Variants in ASIC2 observed in about 807,000 individuals in gnomAD.
The protein encoded by ASIC2 is acid sensing ion channel subunit 2.
A neutral mutation model predicts 57.3 loss-of-function variants in ASIC2; 25 were observed. The observed-to-expected ratio is 0.44, with a 90% CI of 0.32 to 0.61. The LOEUF (loss-of-function observed/expected upper bound fraction) is 0.61, where lower values mean the gene tolerates loss of function less well. ASIC2 is among the 20% of genes least tolerant of loss of function. ASIC2 has a pLI of 0.06. For synonymous variants in ASIC2, 319 were observed against 307.5 expected (o/e 1.04, Z -0.39); for missense variants, 641 against 738.1 (o/e 0.87, Z 1.52).
At chr17:34,131,209 A>G (rs1296357079) in intron 1 of ASIC2, among the ~76,000 whole-genome samples, 1 of 152,192 alleles carries the variant, frequency 6.6e-6, no homozygotes, top group Non-Finnish European at 1.5e-5. Flanking sequence ...TTGGCAAGAC[A>G]ATAGAGAGCC....
intron 1 of ASIC2, among the ~76,000 whole-genome samples, chr17:33,283,342 G>A (rs1905032923): frequency 6.6e-6 from 1 of 152,184 alleles, no homozygotes; most frequent in South Asian, 2.1e-4. Flanking sequence ...TTGTGGACCA[G>A]CAGCATCTGT....
chr17:33,021,179 CTATGAGATGTGG>C, intron 7 of ASIC2, 28 bp downstream of exon 7: 3 of 914,032 alleles, frequency 3.3e-6, no homozygotes, highest in Non-Finnish European at 3.5e-6. Context: ...CTCCCACCCT[CTATGAGATGTGG>C]AAATTTGTGC....
At chr17:33,597,950 C>G (rs1219672765) in intron 1 of ASIC2, among the ~76,000 whole-genome samples, 3 of 152,208 alleles carry the variant, frequency 2.0e-5, no homozygotes, top group Non-Finnish European at 4.4e-5. Flanking sequence ...CCAAATACTC[C>G]TTATCCACAA....
intron 1 of ASIC2, among the ~76,000 whole-genome samples, chr17:33,532,245 A>G (rs1915075752): frequency 6.6e-6 from 1 of 152,138 alleles, no homozygotes; most frequent in Admixed American, 6.5e-5. Context: ...CATCAAACCC[A>G]TTTTCCTAAG....
At chr17:33,456,359 C>T (rs1259052750) in intron 1 of ASIC2, among the ~76,000 whole-genome samples, 1 of 152,074 alleles carries the variant, frequency 6.6e-6, no homozygotes, top group Non-Finnish European at 1.5e-5. Flanking sequence ...CTCCCCACTT[C>T]CTCCCAAATA....
At chr17:33,110,231 T>C (rs1474382464) in intron 2 of ASIC2, among the ~76,000 whole-genome samples, 1 of 152,166 alleles carries the variant, frequency 6.6e-6, no homozygotes, top group Non-Finnish European at 1.5e-5. Flanking sequence ...AGATTAATCA[T>C]ATAAGTTCTG....
intron 1 of ASIC2, among the ~76,000 whole-genome samples, chr17:33,255,553 C>T (rs1029661507): frequency 1.4e-5 from 2 of 141,580 alleles, no homozygotes; most frequent in African/African-American, 5.4e-5. Context: ...ATGTTCGCAT[C>T]AGGCTGGTAA....
At chr17:34,045,188 A>T (rs1303464435) in intron 1 of ASIC2, among the ~76,000 whole-genome samples, 3 of 151,474 alleles carry the variant, frequency 2.0e-5, no homozygotes, top group African/African-American at 7.3e-5. Context: ...ATCCAAAAAG[A>T]CTCCACCACT....
At chr17:33,250,661 A>C (rs1200554475) in intron 1 of ASIC2, among the ~76,000 whole-genome samples, 6 of 152,258 alleles carry the variant, frequency 3.9e-5, no homozygotes, top group African/African-American at 1.4e-4. Flanking sequence ...ATAGGAAAAC[A>C]TTCTTATTAA....
At chr17:33,070,978 T>G (rs1239088111) in intron 3 of ASIC2, among the ~76,000 whole-genome samples, 1 of 152,172 alleles carries the variant, frequency 6.6e-6, no homozygotes, top group Non-Finnish European at 1.5e-5. Context: ...TCTACTGTCT[T>G]CCTTATCTTT....
At chr17:33,759,503 A>T (rs984263498) in intron 1 of ASIC2, among the ~76,000 whole-genome samples, 1 of 152,182 alleles carries the variant, frequency 6.6e-6, no homozygotes, top group African/African-American at 2.4e-5. Flanking sequence ...TGCTAAAGAG[A>T]TTCATATGGA....
intron 1 of ASIC2, among the ~76,000 whole-genome samples, chr17:33,458,740 A>G (rs1414465995): frequency 6.6e-6 from 1 of 152,214 alleles, no homozygotes; most frequent in Non-Finnish European, 1.5e-5. Flanking sequence ...TCAGAATCCT[A>G]ATCTATTAAT....
intron 1 of ASIC2, among the ~76,000 whole-genome samples, chr17:33,410,292 T>G (rs1002728760): frequency 1.3e-5 from 2 of 152,130 alleles, no homozygotes; most frequent in African/African-American, 4.8e-5. Context: ...AATGTGTGTT[T>G]TGTGCTGAAT....
intron 1 of ASIC2, among the ~76,000 whole-genome samples, chr17:33,762,120 A>G (rs2932924): frequency 0.33 from 50,501 of 151,902 alleles, 10,193 homozygotes; most frequent in Non-Finnish European, 0.48. Flanking sequence ...ACCCAAGCGA[A>G]CTCAGCAGGT....
At chr17:33,931,546 C>T (rs1915931598) in intron 1 of ASIC2, among the ~76,000 whole-genome samples, 1 of 152,186 alleles carries the variant, frequency 6.6e-6, no homozygotes, top group Non-Finnish European at 1.5e-5. Context: ...GGTCTCCTCC[C>T]TTACCTCTAG....
At chr17:33,972,655 T>A (rs62057454) in intron 1 of ASIC2, among the ~76,000 whole-genome samples, 1 of 152,166 alleles carries the variant, frequency 6.6e-6, no homozygotes, top group African/African-American at 2.4e-5. Flanking sequence ...GCTCAATTAG[T>A]TGTCTGTGAT....
chr17:33,068,277 A>G lies in ASIC2; in HGVS notation c.987+20586T>C, dbSNP rs1427754482. On this transcript the variant is annotated intron_variant, in intron 3 of 9. Coordinates refer to ENST00000225823, the MANE Select transcript of ASIC2 (RefSeq NM_183377.2). Reference sequence around the variant, plus strand: ...AAGCCAGGATGGTTGGTCACTGTAGAGGCAACACCCAGAGGCAATAGAAAA... The same window carrying G: ...AAGCCAGGATGGTTGGTCACTGTAGGGGCAACACCCAGAGGCAATAGAAAA... Among the ~76,000 whole-genome samples, 29 of 152,188 alleles carry G rather than the reference A, an allele frequency of 1.9e-4. 1 individual carries two copies. The highest frequency in any genetic ancestry group is 1.9e-3 in the Admixed American group (29 of 15,276).
intron 1 of ASIC2, among the ~76,000 whole-genome samples, chr17:33,511,173 C>G (rs1159446630): frequency 6.8e-6 from 1 of 146,084 alleles, no homozygotes; most frequent in Non-Finnish European, 1.5e-5. Flanking sequence ...GGCTGTCACC[C>G]TAATTCTTGG....
intron 1 of ASIC2, among the ~76,000 whole-genome samples, chr17:33,615,640 T>C (rs1240474522): frequency 1.3e-5 from 2 of 152,214 alleles, no homozygotes; most frequent in Admixed American, 1.3e-4. Context: ...TTAGATTTGT[T>C]ACATAGGTAA....
Sources: gnomAD v4.1 joint callset for allele counts (sites outside exome capture counted in the v4.1 genomes callset) on GRCh38, gnomAD v4.1.1 for gene constraint, MANE v1.5 for transcripts, NCBI Gene and HGNC (gene_info 2026-07-23, HGNC 2026-07-21) for gene names.